FREM1: variants seen among roughly 807,000 people sequenced by gnomAD.
FREM1 encodes the protein FRAS1 related extracellular matrix 1, also known as FRAS1-related extracellular matrix protein 1.
FREM1 carries 220 observed loss-of-function variants against 210.1 expected under a neutral mutation model. The observed-to-expected ratio is 1.05, with a 90% CI of 0.94 to 1.17. FREM1 has a LOEUF of 1.17. FREM1 is among the 50% of genes most tolerant of loss of function. The probability of loss-of-function intolerance (pLI) is 0.00; values close to 1 mark genes in which losing one functional copy is unlikely to be tolerated. For synonymous variants in FREM1, 1,189 were observed against 980.2 expected (o/e 1.21, Z -3.98); for missense variants, 3,454 against 2,675.5 (o/e 1.29, Z -6.42).
At chr9:14,884,451 T>G (rs974467352) in intron 1 of FREM1, among the ~76,000 whole-genome samples, 2 of 152,212 alleles carry the variant, frequency 1.3e-5, no homozygotes, top group African/African-American at 2.4e-5. Flanking sequence ...CCAATAAAGC[T>G]GTGTGAAAAT....
chr9:14,821,727 G>A (rs1821352045), intron 13 of FREM1, among the ~76,000 whole-genome samples: 1 of 152,206 alleles, frequency 6.6e-6, no homozygotes, highest in Admixed American at 6.5e-5. Context: ...AGAAATAAGT[G>A]TGGTGAGTTG....
intron 10 of FREM1, among the ~76,000 whole-genome samples, chr9:14,826,910 A>C (rs889037071): frequency 6.6e-6 from 1 of 152,148 alleles, no homozygotes; most frequent in Non-Finnish European, 1.5e-5. Context: ...TTGGTCTTGG[A>C]CTTCCCGGCT....
chr9:14,866,732 A>C (rs767569032), intron 2 of FREM1, among the ~76,000 whole-genome samples: 10 of 152,164 alleles, frequency 6.6e-5, no homozygotes, highest in Non-Finnish European at 2.9e-5. Context: ...CCATATTATC[A>C]ATCACCAGTC....
At chr9:14,850,260 G>C (rs1376275926) in intron 6 of FREM1, among the ~76,000 whole-genome samples, 1 of 152,186 alleles carries the variant, frequency 6.6e-6, no homozygotes, top group Non-Finnish European at 1.5e-5. Flanking sequence ...AAGGAAATTA[G>C]ATAGAAGTAG....
chr9:14,746,354 G>C lies in FREM1; in HGVS notation c.6253C>G (p.Gln2085Glu). The C allele has an allele frequency of 6.2e-7, 1 of 1,610,566 alleles. No homozygotes were observed. Residue 2085 changes from glutamine to glutamate, a missense_variant and splice_region_variant, in exon 35 of 37, where the codon CAA (glutamine) becomes GAA (glutamate). Transcript: ENST00000380880. ...CAAATGTGCAATAGGGTGCCTTACT[G>C]TTCCCTGCAAGCTTGGGCAGCCGCA... ...WNAAAQACRE[Q>E]YLGNLVTVFS...
chr9:14,747,155 G>A, intron 33 of FREM1, 104 bp from the exon 34 acceptor site: 1 of 1,580,684 alleles, frequency 6.3e-7, no homozygotes, highest in Non-Finnish European at 8.7e-7. Flanking sequence ...CATTTGTGTT[G>A]GGTAAACTAT....
intron 18 of FREM1, among the ~76,000 whole-genome samples, chr9:14,806,242 G>A (rs1387476083): frequency 2.0e-5 from 3 of 149,480 alleles, no homozygotes; most frequent in Non-Finnish European, 3.0e-5. Context: ...GAATACATAT[G>A]GTGCTTTAAA....
In FREM1 at chr9:14,797,606, C is replaced by G; in HGVS notation, c.3731G>C (p.Ser1244Thr). The G allele has an allele frequency of 6.2e-7, 1 of 1,612,018 alleles. No homozygotes were observed. Residue 1244 changes from serine (S) to threonine (T), a missense_variant, in exon 21 of 37, where the codon AGC (serine) becomes ACC (threonine). Coordinates refer to ENST00000380880, the MANE Select transcript of FREM1 (RefSeq NM_001379081.2). ...TTGGATTGTAAAATCATCAGCAAGG[C>G]TCTCTGAGTCATCATGCATGTACGT... ...RLTYMHDDSE[S>T]LADDFTIQLS...
At chr9:14,804,903 A>G in intron 19 of FREM1, 53 bp downstream of exon 19, 1 of 1,403,994 alleles carries the variant, frequency 7.1e-7, no homozygotes, top group Non-Finnish European at 1.0e-6. Context: ...ACTAATTGAA[A>G]ATAAAAATCA....
intron 10 of FREM1, among the ~76,000 whole-genome samples, chr9:14,835,855 A>G (rs1375874256): frequency 6.6e-6 from 1 of 152,260 alleles, no homozygotes; most frequent in Non-Finnish European, 1.5e-5. Flanking sequence ...ATTTTGCTCC[A>G]AAACTTATCA....
intron 21 of FREM1, among the ~76,000 whole-genome samples, chr9:14,795,707 G>C (rs1282545782): frequency 6.6e-6 from 1 of 152,184 alleles, no homozygotes; most frequent in Non-Finnish European, 1.5e-5. Flanking sequence ...CCTAGTGTAA[G>C]CTCTTTTACC....
intron 20 of FREM1, among the ~76,000 whole-genome samples, chr9:14,798,608 A>G (rs1049684247): frequency 3.9e-5 from 6 of 152,140 alleles, no homozygotes. Flanking sequence ...ATCTCTTTTA[A>G]AAAATTACAG....
intron 27 of FREM1, among the ~76,000 whole-genome samples, chr9:14,762,755 A>ATT (rs34136678): frequency 0.45 from 62,300 of 137,932 alleles, 14,112 homozygotes; most frequent in South Asian, 0.57. Flanking sequence ...TTTGAATGTG[A>ATT]TTTTTTTTTT....
intron 22 of FREM1, among the ~76,000 whole-genome samples, chr9:14,789,399 T>C (rs1048654591): frequency 6.6e-6 from 1 of 152,176 alleles, no homozygotes; most frequent in African/African-American, 2.4e-5. Flanking sequence ...TAAGCAACCA[T>C]AGCTGATTGA....
chr9:14,749,391 A>C (rs1277665082), intron 30 of FREM1, among the ~76,000 whole-genome samples: 1 of 151,736 alleles, frequency 6.6e-6, no homozygotes, highest in African/African-American at 2.4e-5. Context: ...AGTAGGAAAG[A>C]GAAGAGAAGG....
chr9:14,804,898 T>A (rs76139372), intron 19 of FREM1, 58 bp downstream of exon 19: 3 of 1,352,484 alleles, frequency 2.2e-6, no homozygotes, highest in African/African-American at 2.9e-5. Flanking sequence ...AATGGACTAA[T>A]TGAAAATAAA....
intron 1 of FREM1, among the ~76,000 whole-genome samples, chr9:14,870,494 T>A (rs985958837): frequency 6.6e-6 from 1 of 152,176 alleles, no homozygotes; most frequent in Non-Finnish European, 1.5e-5. Flanking sequence ...TCTTTGTTTT[T>A]TTTCTTAAAT....
At chr9:14,856,657 C>T (rs1331420589) in intron 5 of FREM1, among the ~76,000 whole-genome samples, 1 of 151,930 alleles carries the variant, frequency 6.6e-6, no homozygotes, top group Non-Finnish European at 1.5e-5. Context: ...CACGGTGAAA[C>T]CCCTTCTCTA....
At chr9:14,813,910 T>C (rs1819842752) in intron 15 of FREM1, among the ~76,000 whole-genome samples, 1 of 152,218 alleles carries the variant, frequency 6.6e-6, no homozygotes. Context: ...GTGTGGACTT[T>C]AAGTCACTGC....
Sources: allele counts gnomAD v4.1 joint callset (sites outside exome capture counted in the v4.1 genomes callset), GRCh38; gene constraint gnomAD v4.1.1; transcripts MANE v1.5; gene names NCBI Gene and HGNC (gene_info 2026-07-23, HGNC 2026-07-21).